Variants in DIPK1C observed in about 807,000 individuals in gnomAD.
DIPK1C encodes divergent protein kinase domain 1C, also known as familial non-conventional Alzheimer's dementia.
A neutral mutation model predicts 28.0 loss-of-function variants in DIPK1C; 33 were observed. That is an observed-to-expected ratio of 1.18 (90% CI 0.89 to 1.58). The LOEUF (loss-of-function observed/expected upper bound fraction) is 1.58, where lower values mean the gene tolerates loss of function less well. DIPK1C is among the 40% of genes most tolerant of loss of function. DIPK1C has a pLI of 0.00. For synonymous variants in DIPK1C, 255 were observed against 248.8 expected, an observed-to-expected ratio of 1.02 and a Z score of -0.23; for missense variants, 569 against 568.5, an observed-to-expected ratio of 1.00 and a Z score of -0.01.
At chr18:74,452,974 GA>G (rs1555699411) in intron 1 of DIPK1C, among the ~76,000 whole-genome samples, 1 of 152,072 alleles carries the variant, frequency 6.6e-6, no homozygotes, top group Non-Finnish European at 1.5e-5. Context: ...AAAATAAACT[GA>G]AAAAAACAAG....
upstream of DIPK1C, among the ~76,000 whole-genome samples, chr18:74,462,770 A>G (rs1986636043): frequency 6.6e-6 from 1 of 152,050 alleles, no homozygotes; most frequent in Non-Finnish European, 1.5e-5. Flanking sequence ...ATCCTCATCA[A>G]CACTTGTCAT....
intron 2 of DIPK1C, among the ~76,000 whole-genome samples, chr18:74,444,569 T>G (rs947539647): frequency 6.6e-6 from 1 of 152,180 alleles, no homozygotes; most frequent in Non-Finnish European, 1.5e-5. Context: ...TCAGATTCAA[T>G]AGGTCTGGCG....
chr18:74,438,205 A>G (rs75360334), intron 3 of DIPK1C, among the ~76,000 whole-genome samples: 4,300 of 152,218 alleles, frequency 0.028, 219 homozygotes, highest in African/African-American at 0.099. Context: ...CCTCCAAATC[A>G]GTTCTTATGA....
chr18:74,457,519 A>G (rs1033428015), upstream of DIPK1C, among the ~76,000 whole-genome samples: 3 of 152,030 alleles, frequency 2.0e-5, no homozygotes, highest in African/African-American at 7.2e-5. Context: ...TTCTTTTTGC[A>G]CTTTTTTCCC....
At chr18:74,445,281 C>T (rs1986233990) in intron 2 of DIPK1C, among the ~76,000 whole-genome samples, 1 of 152,158 alleles carries the variant, frequency 6.6e-6, no homozygotes, top group Non-Finnish European at 1.5e-5. Flanking sequence ...CAGGGAATTG[C>T]AGACGCGGGT....
At chr18:74,463,600 G>A in the DIPK1C span, among the ~76,000 whole-genome samples, 3 of 151,912 alleles carry the variant, frequency 2.0e-5, no homozygotes, top group Non-Finnish European at 4.4e-5. Context: ...CCACGTACCC[G>A]GCACTGTCTT....
rs1986318257 is a variant in DIPK1C, at chr18:74,448,238, G to A, written c.199-955C>T. On this transcript the variant is annotated intron_variant, in intron 1 of 3. Coordinates refer to ENST00000343998, the MANE Select transcript of DIPK1C (RefSeq NM_001044369.3). Reference sequence around the variant, plus strand: ...TAAACCATGGGACCACTTTGATTAGGGGTTGAGTGTATTTCCTAATCCCGC... The same window carrying A: ...TAAACCATGGGACCACTTTGATTAGAGGTTGAGTGTATTTCCTAATCCCGC... Among the ~76,000 whole-genome samples the A allele has an allele frequency of 3.3e-5, 5 of 152,210 alleles. No individual in the cohort carries two copies. In the South Asian group the frequency reaches 1.0e-3, roughly 32 times the overall value.
chr18:74,452,611 G>C (rs887389003), intron 1 of DIPK1C, among the ~76,000 whole-genome samples: 1 of 151,686 alleles, frequency 6.6e-6, no homozygotes, highest in Admixed American at 6.6e-5. Flanking sequence ...AAAAAAATTA[G>C]CTGGGCCACA....
chr18:74,440,699 A>G (rs1986102837), intron 3 of DIPK1C, among the ~76,000 whole-genome samples: 1 of 152,212 alleles, frequency 6.6e-6, no homozygotes, highest in Non-Finnish European at 1.5e-5. Flanking sequence ...TTTCTACAGA[A>G]AGGGTATAAA....
chr18:74,437,265 G>A (rs77124418), intron 3 of DIPK1C, among the ~76,000 whole-genome samples: 1 of 152,306 alleles, frequency 6.6e-6, no homozygotes, highest in Non-Finnish European at 1.5e-5. Context: ...GCACTTTAAG[G>A]CTCATGAAAC....
At chr18:74,455,513 C>T (rs1477833522) in intron 1 of DIPK1C, among the ~76,000 whole-genome samples, 9 of 151,850 alleles carry the variant, frequency 5.9e-5, no homozygotes, top group African/African-American at 1.9e-4. Context: ...AAAACTGGCC[C>T]GGTGTGGTGG....
intron 3 of DIPK1C, among the ~76,000 whole-genome samples, chr18:74,438,129 C>T (rs998391649): frequency 7.9e-5 from 12 of 152,180 alleles, no homozygotes; most frequent in African/African-American, 1.4e-4. Context: ...AGGGCTCAAG[C>T]GATTCACCTG....
intron 1 of DIPK1C, 45 bp downstream of exon 1, chr18:74,457,017 C>T (rs1986529085): frequency 3.6e-6 from 5 of 1,376,808 alleles, no homozygotes; most frequent in Non-Finnish European, 4.7e-6. Flanking sequence ...TGTGATCCCC[C>T]CTCCCCGGAC....
chr18:74,456,987 G>A, intron 1 of DIPK1C, 75 bp downstream of exon 1: 1 of 1,302,136 alleles, frequency 7.7e-7, no homozygotes, highest in Non-Finnish European at 9.8e-7. Context: ...TCCCCGGGAA[G>A]GCTGGGGACC....
chr18:74,450,799 G>A (rs1986380649), intron 1 of DIPK1C, among the ~76,000 whole-genome samples: 1 of 152,262 alleles, frequency 6.6e-6, no homozygotes, highest in South Asian at 2.1e-4. Flanking sequence ...CGGAGCAGAG[G>A]GGACAGGCTT....
chr18:74,449,694 G>T (rs935246039), intron 1 of DIPK1C, among the ~76,000 whole-genome samples: 1 of 152,124 alleles, frequency 6.6e-6, no homozygotes, highest in Non-Finnish European at 1.5e-5. Flanking sequence ...CAGGAACCTC[G>T]CCCTGGAGCT....
intron 1 of DIPK1C, among the ~76,000 whole-genome samples, chr18:74,451,136 G>A (rs1273696418): frequency 6.6e-6 from 1 of 152,196 alleles, no homozygotes; most frequent in East Asian, 1.9e-4. Context: ...GTCTGCCTTA[G>A]CAGACAAGGG....
intron 2 of DIPK1C, among the ~76,000 whole-genome samples, chr18:74,446,169 C>T (rs1986255271): frequency 6.6e-6 from 1 of 152,224 alleles, no homozygotes; most frequent in African/African-American, 2.4e-5. Flanking sequence ...CATGTTGTCA[C>T]AGAGCATGGG....
At chr18:74,442,778 A>G (rs1986172502) in intron 2 of DIPK1C, among the ~76,000 whole-genome samples, 1 of 152,240 alleles carries the variant, frequency 6.6e-6, no homozygotes, top group African/African-American at 2.4e-5. Context: ...CAGCTTTGCA[A>G]GTAGAATCTC....
Sources: allele counts gnomAD v4.1 joint callset (sites outside exome capture counted in the v4.1 genomes callset), GRCh38; gene constraint gnomAD v4.1.1; transcripts MANE v1.5; gene names NCBI Gene and HGNC (gene_info 2026-07-23, HGNC 2026-07-21).